SCFD2: variants seen among roughly 807,000 people sequenced by gnomAD.
The protein encoded by SCFD2 is sec1 family domain containing 2, also known as sec1 family domain-containing protein 2.
SCFD2 carries 54 observed loss-of-function variants against 58.9 expected under a neutral mutation model. The ratio of observed to expected loss-of-function variants is 0.92; its 90% CI spans 0.74 to 1.15. SCFD2 has a LOEUF of 1.15. Ranked by LOEUF, SCFD2 falls within the 50% of genes most tolerant of loss-of-function variation. The pLI is 0.00. For missense variants in SCFD2, 805 were observed against 836.6 expected (o/e 0.96, Z 0.47); for synonymous variants, 321 against 335.9 (o/e 0.96, Z 0.49).
intron 5 of SCFD2, among the ~76,000 whole-genome samples, chr4:53,019,522 G>A (rs1722296289): frequency 6.6e-6 from 1 of 152,140 alleles, no homozygotes; most frequent in Admixed American, 6.6e-5. Flanking sequence ...CCATTGGCCT[G>A]ATTATAAAAG....
intron 3 of SCFD2, among the ~76,000 whole-genome samples, chr4:53,303,799 G>T (rs1038810153): frequency 6.6e-6 from 1 of 151,604 alleles, no homozygotes; most frequent in African/African-American, 2.4e-5. Context: ...CATGTCCTTT[G>T]TAGGGACATG....
At chr4:52,988,088 A>G (rs1721538895) in intron 5 of SCFD2, among the ~76,000 whole-genome samples, 1 of 152,160 alleles carries the variant, frequency 6.6e-6, no homozygotes, top group South Asian at 2.1e-4. Flanking sequence ...CAGAACCTAC[A>G]ATTCATCAGC....
chr4:53,097,723 A>G (rs972975678), intron 5 of SCFD2, among the ~76,000 whole-genome samples: 1 of 152,174 alleles, frequency 6.6e-6, no homozygotes, highest in Non-Finnish European at 1.5e-5. Flanking sequence ...CTCCTGCCTG[A>G]TTGCCCTGGC....
At chr4:53,093,001 A>G (rs1724517446) in intron 5 of SCFD2, among the ~76,000 whole-genome samples, 1 of 152,110 alleles carries the variant, frequency 6.6e-6, no homozygotes, top group African/African-American at 2.4e-5. Context: ...GAGAGGACAG[A>G]AGAGTAGTGT....
At chr4:53,076,518 G>A (rs956077149) in intron 5 of SCFD2, among the ~76,000 whole-genome samples, 3 of 152,200 alleles carry the variant, frequency 2.0e-5, no homozygotes, top group Admixed American at 1.3e-4. Flanking sequence ...CCACTCCGGG[G>A]CTAAGCAAAT....
intron 4 of SCFD2, among the ~76,000 whole-genome samples, chr4:53,204,361 T>C (rs1728342560): frequency 6.6e-6 from 1 of 151,282 alleles, no homozygotes; most frequent in African/African-American, 2.4e-5. Context: ...TAAGAGAAAA[T>C]ATTGTATCCA....
At chr4:53,329,713 T>C (rs1733361530) in intron 2 of SCFD2, among the ~76,000 whole-genome samples, 1 of 152,142 alleles carries the variant, frequency 6.6e-6, no homozygotes, top group Non-Finnish European at 1.5e-5. Context: ...GGAACGCAGT[T>C]CCTCACCAGC....
intron 7 of SCFD2, among the ~76,000 whole-genome samples, chr4:52,894,803 G>A (rs1220975221): frequency 1.3e-5 from 2 of 152,198 alleles, no homozygotes; most frequent in African/African-American, 2.4e-5. Context: ...GATCTAGTGG[G>A]TATACCTGCT....
intron 2 of SCFD2, among the ~76,000 whole-genome samples, chr4:53,319,797 G>A (rs774498824): frequency 3.3e-5 from 5 of 152,144 alleles, no homozygotes; most frequent in African/African-American, 4.8e-5. Context: ...CTCCCAAAGT[G>A]CTGGGATTAC....
At chr4:53,164,122 G>A (rs1447375973) in intron 4 of SCFD2, among the ~76,000 whole-genome samples, 2 of 152,012 alleles carry the variant, frequency 1.3e-5, no homozygotes, top group Non-Finnish European at 2.9e-5. Flanking sequence ...CACTCTATAA[G>A]GTACTGTATA....
At chr4:53,247,866 TCAA>T (rs1730155482) in intron 4 of SCFD2, among the ~76,000 whole-genome samples, 1 of 19,746 alleles carries the variant, frequency 5.1e-5, no homozygotes, top group African/African-American at 1.6e-4. Context: ...AGACTCCGTC[TCAA>T]AAAAAAAAAA....
intron 5 of SCFD2, among the ~76,000 whole-genome samples, chr4:53,024,257 A>G (rs1722417769): frequency 6.7e-6 from 1 of 148,766 alleles, no homozygotes; most frequent in Non-Finnish European, 1.5e-5. Flanking sequence ...AAAAAATCCA[A>G]AGAAGTGGTG....
At chr4:53,293,890 C>G (rs1731930571) in intron 3 of SCFD2, among the ~76,000 whole-genome samples, 1 of 151,772 alleles carries the variant, frequency 6.6e-6, no homozygotes, top group Non-Finnish European at 1.5e-5. Context: ...AGCCTCCCAC[C>G]CCCTGACAGG....
intron 5 of SCFD2, among the ~76,000 whole-genome samples, chr4:53,018,458 T>C (rs1722265785): frequency 6.6e-6 from 1 of 152,232 alleles, no homozygotes; most frequent in Admixed American, 6.5e-5. Flanking sequence ...GCATTGCTTG[T>C]GACGGCAATA....
intron 5 of SCFD2, among the ~76,000 whole-genome samples, chr4:53,034,177 G>A (rs769166808): frequency 2.6e-4 from 39 of 152,144 alleles, no homozygotes; most frequent in Non-Finnish European, 4.1e-4. Flanking sequence ...ATCAATAAAC[G>A]TAATCCATCA....
At chr4:53,024,704 C>CT (rs374465004) in intron 5 of SCFD2, among the ~76,000 whole-genome samples, 30,613 of 141,984 alleles carry the variant, frequency 0.22, 3,451 homozygotes, top group Middle Eastern at 0.3. Context: ...TGTCTCAGGC[C>CT]TTTTTTTTTT....
At chr4:53,107,717 T>C (rs963158011) in intron 5 of SCFD2, among the ~76,000 whole-genome samples, 36 of 152,304 alleles carry the variant, frequency 2.4e-4, no homozygotes, top group African/African-American at 8.2e-4. Flanking sequence ...AGCACCCAGA[T>C]TCATAAAATA....
intron 5 of SCFD2, among the ~76,000 whole-genome samples, chr4:52,978,281 G>A (rs1383669880): frequency 6.6e-6 from 1 of 152,118 alleles, no homozygotes; most frequent in Non-Finnish European, 1.5e-5. Flanking sequence ...GACTGTGCTC[G>A]CAGGTCTAAA....
intron 5 of SCFD2, among the ~76,000 whole-genome samples, chr4:53,118,971 T>A (rs1465808733): frequency 6.6e-6 from 1 of 152,200 alleles, no homozygotes; most frequent in Non-Finnish European, 1.5e-5. Flanking sequence ...AATGCATTTT[T>A]AAGTAACTGG....
Sources: gnomAD v4.1 joint callset for allele counts (sites outside exome capture counted in the v4.1 genomes callset) on GRCh38, gnomAD v4.1.1 for gene constraint, MANE v1.5 for transcripts, NCBI Gene and HGNC (gene_info 2026-07-23, HGNC 2026-07-21) for gene names.